Variants in CNN2 observed in about 807,000 individuals in gnomAD.
The protein encoded by CNN2 is calponin 2.
CNN2 carries 21 observed loss-of-function variants against 31.0 expected under a neutral mutation model. The observed-to-expected ratio is 0.68, with a 90% CI of 0.48 to 0.98. The LOEUF (loss-of-function observed/expected upper bound fraction) is 0.98, where lower values mean the gene tolerates loss of function less well. Ranked by LOEUF, CNN2 falls within the 50% of genes least tolerant of loss-of-function variation. The pLI is 0.00. For missense variants in CNN2, 399 were observed against 427.3 expected (o/e 0.93, Z 0.58); for synonymous variants, 165 against 179.6 (o/e 0.92, Z 0.65).
rs2039423817 is a variant in CNN2, at chr19:1,027,861, A to C, written c.63+1137A>C. Among the ~76,000 whole-genome samples the C allele has an allele frequency of 2.0e-5, 3 of 152,090 alleles. No homozygotes were observed. The South Asian group carries it at 6.2e-4, about 32-fold the overall frequency. ...CCCCAACAGCCACCTGCCCGGCGGC[A>C]CTCCAGGGCCGGCAGACTGGAGGGA... is the stretch of plus-strand genomic sequence containing the variant. On this transcript the variant is annotated intron_variant, in intron 1 of 6. Coordinates refer to ENST00000263097, the MANE Select transcript of CNN2 (RefSeq NM_004368.4).
intron 1 of CNN2, chr19:1,026,964 C>G: frequency 2.0e-6 from 1 of 492,440 alleles, no homozygotes; most frequent in South Asian, 2.4e-5. Flanking sequence ...CCATTCCCCC[C>G]CCCAACATCT....
chr19:1,030,355 G>C (rs183655388), intron 1 of CNN2, among the ~76,000 whole-genome samples: 1 of 152,184 alleles, frequency 6.6e-6, no homozygotes, highest in East Asian at 1.9e-4. Context: ...GGCCGGGCGC[G>C]GTGGCTCACA....
intron 1 of CNN2, 92 bp downstream of exon 1, chr19:1,026,816 G>C (rs2039403777): frequency 2.3e-6 from 3 of 1,282,862 alleles, no homozygotes; most frequent in Admixed American, 2.9e-5. Context: ...GGCACCTCCC[G>C]GGCAGGGAGC....
rs758048930 is a variant in CNN2 at position 1,026,738 on chromosome 19, G to T, written c.63+14G>T. ...GTCAAGAACCGGGTGAGTGAGGGGC[G>T]CCCCTTGTCCCCCCGACAGCGCGGC... On this transcript the variant is annotated intron_variant, in intron 1 of 6. Coordinates refer to ENST00000263097, the MANE Select transcript of CNN2 (RefSeq NM_004368.4). 1 of 1,546,832 alleles carries T rather than the reference G, an allele frequency of 6.5e-7. No homozygotes were observed. The highest frequency in any genetic ancestry group is 8.7e-7 in the Non-Finnish European group (1 of 1,145,924).
chr19:1,035,500 G>C (rs146579279), intron 4 of CNN2, among the ~76,000 whole-genome samples: 667 of 152,266 alleles, frequency 4.4e-3, no homozygotes, highest in South Asian at 0.012. Context: ...CATGGTGCCC[G>C]GGGATTGGGT....
rs1408986071 is a variant in CNN2, at chr19:1,026,638, C to G, written c.-24C>G. 3.9e-6 allele frequency: 6 copies of G among 1,524,766 alleles called. No homozygotes were observed. The highest frequency in any genetic ancestry group is 2.1e-4 in the Middle Eastern group (1 of 4,690). The allele number at this position is 1,524,766 out of a possible 1,614,324, so 94.5% of individuals were successfully genotyped here. A position where few individuals can be genotyped will look rare whatever the true frequency, so the allele number is the denominator to read the frequency against. On this transcript the variant is annotated 5_prime_UTR_variant, in exon 1 of 7. Transcript: ENST00000263097. ...CGTCCCGTCCCGTCCTGTGCGGCCC[C>G]GTCCCGCCGCCCGCCCGCCAGCCAT...
At chr19:1,030,549 C>T (rs1036408351) in intron 1 of CNN2, among the ~76,000 whole-genome samples, 2 of 152,066 alleles carry the variant, frequency 1.3e-5, no homozygotes, top group African/African-American at 4.8e-5. Flanking sequence ...TGGCCTGAAC[C>T]GGGGAGGCGG....
At chr19:1,029,275 C>T (rs1277959786) in intron 1 of CNN2, among the ~76,000 whole-genome samples, 2 of 83,838 alleles carry the variant, frequency 2.4e-5, no homozygotes, top group East Asian at 2.5e-4. Flanking sequence ...CAAATCATCC[C>T]AGGCAGGTCC....
At chr19:1,035,667 A>G (rs1037220159) in intron 4 of CNN2, among the ~76,000 whole-genome samples, 4 of 152,204 alleles carry the variant, frequency 2.6e-5, no homozygotes, top group Admixed American at 6.5e-5. Flanking sequence ...TCACGCCTGT[A>G]ATCCCAGCAC....
At chr19:1,030,237 C>T (rs959490874) in intron 1 of CNN2, among the ~76,000 whole-genome samples, 1 of 152,140 alleles carries the variant, frequency 6.6e-6, no homozygotes, top group Non-Finnish European at 1.5e-5. Flanking sequence ...CTGGAATGGC[C>T]GGGTGCAGAA....
At chr19:1,027,211 C>G (rs2039413343) in intron 1 of CNN2, 1 of 155,378 alleles carries the variant, frequency 6.4e-6, no homozygotes, top group African/African-American at 2.4e-5. Flanking sequence ...TGTTACCCCC[C>G]CACAAACAGG....
chr19:1,037,653 G>A lies in CNN2; in HGVS notation c.683G>A (p.Arg228Gln), dbSNP rs776286725. The change falls in exon 7 of 7, where the codon CGG becomes CAG. Residue 228 changes from arginine to glutamine, a missense_variant. Arg to Gln is a conservative substitution (Grantham distance 43). Coordinates refer to ENST00000263097, the MANE Select transcript of CNN2 (RefSeq NM_004368.4). ...QVGMTAPGTR[R>Q]HIYDTKLGTD... Reference sequence around the variant, plus strand: ...GGCATGACGGCTCCCGGGACCCGGCGGCACATCTATGATACCAAGCTGGGA... The same window carrying A: ...GGCATGACGGCTCCCGGGACCCGGCAGCACATCTATGATACCAAGCTGGGA... The A allele has an allele frequency of 4.3e-6, 7 of 1,611,178 alleles. No individual in the cohort carries two copies. The highest frequency in any genetic ancestry group is 2.2e-5 in the East Asian group (1 of 44,888).
intron 4 of CNN2, among the ~76,000 whole-genome samples, chr19:1,033,473 C>G (rs931780570): frequency 1.3e-5 from 2 of 152,186 alleles, no homozygotes; most frequent in African/African-American, 4.8e-5. Flanking sequence ...TGCTCTCCAG[C>G]CTGGGCAACA....
chr19:1,030,978 G>A, intron 1 of CNN2, 93 bp from the exon 2 acceptor site: 3 of 1,454,254 alleles, frequency 2.1e-6, no homozygotes, highest in Non-Finnish European at 2.8e-6. Flanking sequence ...TGTTGCCCTG[G>A]AGTCCCCGGC....
At chr19:1,030,631 A>G (rs928206519) in intron 1 of CNN2, among the ~76,000 whole-genome samples, 1 of 152,108 alleles carries the variant, frequency 6.6e-6, no homozygotes, top group African/African-American at 2.4e-5. Flanking sequence ...GTCTCAAAAA[A>G]AATAAAAAAG....
In CNN2 at chr19:1,036,706, G is replaced by A. The variant is rs577863879; in HGVS notation, c.654+144G>A. The A allele has an allele frequency of 1.4e-4, 139 of 962,546 alleles. No individual in the cohort carries two copies. In the African/African-American group the frequency reaches 1.9e-3, roughly 13 times the overall value. The allele number at this position is 962,546 out of a possible 1,614,324, so 59.6% of individuals were successfully genotyped here. A position where few individuals can be genotyped will look rare whatever the true frequency, so the allele number is the denominator to read the frequency against. ...TAGACCACCTCCGGCTTCCCTCCCCGCTCTCTGTCTCCGCCTTGGATTTCA... is the reference window on the plus strand; with the variant it reads ...TAGACCACCTCCGGCTTCCCTCCCCACTCTCTGTCTCCGCCTTGGATTTCA... On this transcript the variant is annotated intron_variant, in intron 6 of 6. Transcript: ENST00000263097.
At chr19:1,026,982 G>A in intron 1 of CNN2, 1 of 454,336 alleles carries the variant, frequency 2.2e-6, no homozygotes, top group South Asian at 2.6e-5. Context: ...TCTAGGGGTA[G>A]TTGGGTCTGA....
At chr19:1,032,059 C>T (rs1353816952) in intron 2 of CNN2, among the ~76,000 whole-genome samples, 1 of 151,946 alleles carries the variant, frequency 6.6e-6, no homozygotes, top group East Asian at 1.9e-4. Context: ...GAAACTCCAT[C>T]TCTACTAAAA....
At chr19:1,036,974 C>T (rs767542171) in intron 6 of CNN2, 1 of 277,052 alleles carries the variant, frequency 3.6e-6, no homozygotes, top group South Asian at 3.4e-5. Context: ...CTTCCTGCCT[C>T]AGCCTCCCGA....
Sources: allele counts gnomAD v4.1 joint callset (sites outside exome capture counted in the v4.1 genomes callset), GRCh38; gene constraint gnomAD v4.1.1; transcripts MANE v1.5; gene names NCBI Gene and HGNC (gene_info 2026-07-23, HGNC 2026-07-21).